ZNF266: variants seen among roughly 807,000 people sequenced by gnomAD.
ZNF266 encodes zinc finger protein 266.
ZNF266 carries 16 observed loss-of-function variants against 16.4 expected under a neutral mutation model. That is an observed-to-expected ratio of 0.98 (90% CI 0.66 to 1.48). The LOEUF is 1.48. Ranked by LOEUF, ZNF266 falls within the 40% of genes most tolerant of loss-of-function variation. ZNF266 has a pLI of 0.00. For missense variants in ZNF266, 738 were observed against 689.1 expected (o/e 1.07, Z -0.79); for synonymous variants, 262 against 237.9 (o/e 1.10, Z -0.93).
intron 5 of ZNF266, among the ~76,000 whole-genome samples, chr19:9,428,765 A>G (rs2071158123): frequency 6.6e-6 from 1 of 152,126 alleles, no homozygotes; most frequent in African/African-American, 2.4e-5. Context: ...CAGATACCCA[A>G]AATATAAAGC....
chr19:9,414,496 A>T lies in ZNF266; in HGVS notation c.630T>A (p.Asp210Glu), dbSNP rs1313366483. ...QCGKAFSLNP[D>E]VVCQRTCTGE... ...CTGTGCACGTTCTCTGGCAAACAACATCTGGGTTCAGGCTGAAGGCTTTTC... is the reference window on the plus strand; with the variant it reads ...CTGTGCACGTTCTCTGGCAAACAACTTCTGGGTTCAGGCTGAAGGCTTTTC... Residue 210 changes from aspartate to glutamate, a missense_variant, in exon 11 of 11, where the codon GAT becomes GAA. Coordinates refer to ENST00000592904, the MANE Select transcript of ZNF266 (RefSeq NM_001370374.1). 48 of 1,614,082 alleles carry T rather than the reference A, an allele frequency of 3.0e-5. No homozygotes were observed. Among genetic ancestry groups the T allele is most frequent in the Non-Finnish European group, 4.0e-5 (47 of 1,180,032 alleles).
intron 5 of ZNF266, among the ~76,000 whole-genome samples, chr19:9,431,788 G>A (rs545126068): frequency 5.3e-5 from 8 of 152,244 alleles, no homozygotes; most frequent in Admixed American, 5.2e-4. Flanking sequence ...GCCACACTGT[G>A]GCCAAATACT....
intron 5 of ZNF266, among the ~76,000 whole-genome samples, chr19:9,428,505 A>G (rs543373992): frequency 1.3e-5 from 2 of 152,288 alleles, no homozygotes; most frequent in East Asian, 3.9e-4. Flanking sequence ...GCTGACCATT[A>G]TAAGTGATGG....
intron 5 of ZNF266, among the ~76,000 whole-genome samples, chr19:9,432,524 C>T (rs2071766372): frequency 6.6e-6 from 1 of 152,094 alleles, no homozygotes; most frequent in African/African-American, 2.4e-5. Flanking sequence ...TCAGCAGGTT[C>T]TTGGAAACTG....
At chr19:9,425,192 A>G (rs970327949) in intron 5 of ZNF266, among the ~76,000 whole-genome samples, 1 of 152,106 alleles carries the variant, frequency 6.6e-6, no homozygotes, top group Non-Finnish European at 1.5e-5. Flanking sequence ...CACAACCCCC[A>G]AAGGAAGTCC....
chr19:9,415,844 G>A (rs1371787345), intron 9 of ZNF266, 102 bp from the exon 10 acceptor site: 1 of 990,186 alleles, frequency 1.0e-6, no homozygotes, highest in East Asian at 3.1e-5. Context: ...TTTTTCTTGA[G>A]ACGGTGTCTC....
chr19:9,416,685 T>TTC (rs1184304858), intron 9 of ZNF266, among the ~76,000 whole-genome samples: 3 of 138,980 alleles, frequency 2.2e-5, no homozygotes, highest in African/African-American at 8.2e-5. Flanking sequence ...TTTTTTTTTT[T>TTC]TTTTGAGACA....
Position 9,414,370 on chromosome 19 carries a change from T to C in ZNF266, c.756A>G (p.Glu252=). ...TAAAGCCTCTCCCACATTCCTTCCATTCATGGAGACTTTCTCCATTGTGAG... is the reference window on the plus strand; with the variant it reads ...TAAAGCCTCTCCCACATTCCTTCCACTCATGGAGACTTTCTCCATTGTGAG... ...LRTHNGESLH[E]WKECGRGFIH... The change falls in exon 11 of 11, where the codon GAA becomes GAG. Residue 252 remains glutamate, a synonymous_variant. Coordinates refer to ENST00000592904, the MANE Select transcript of ZNF266 (RefSeq NM_001370374.1). 1 of 1,614,224 alleles carries C rather than the reference T, an allele frequency of 6.2e-7. No individual in the cohort carries two copies. Among genetic ancestry groups the C allele is most frequent in the Non-Finnish European group, 8.5e-7 (1 of 1,180,038 alleles).
chr19:9,421,125 T>C (rs2069810683), intron 5 of ZNF266, among the ~76,000 whole-genome samples: 1 of 152,202 alleles, frequency 6.6e-6, no homozygotes, highest in African/African-American at 2.4e-5. Context: ...AAATGCTGAT[T>C]GACAGAATGG....
intron 5 of ZNF266, among the ~76,000 whole-genome samples, chr19:9,425,937 A>G (rs549177176): frequency 6.6e-6 from 1 of 152,260 alleles, no homozygotes; most frequent in Admixed American, 6.5e-5. Flanking sequence ...TGGGCCAATC[A>G]AAGGGTTAGC....
intron 5 of ZNF266, among the ~76,000 whole-genome samples, chr19:9,428,481 G>A (rs2071098293): frequency 6.6e-6 from 1 of 152,228 alleles, no homozygotes; most frequent in Non-Finnish European, 1.5e-5. Context: ...TTCATAGACT[G>A]TGCAAAGGCC....
Position 9,413,104 on chromosome 19 carries a change from G to T in ZNF266, c.*171C>A. ...TGGTAAGGCTTGAGAATTCAGCAAAGTCATTTCCACATTCCCTGATGCAGG... is the reference window on the plus strand; with the variant it reads ...TGGTAAGGCTTGAGAATTCAGCAAATTCATTTCCACATTCCCTGATGCAGG... On this transcript the variant is annotated 3_prime_UTR_variant, in exon 11 of 11. Transcript: ENST00000592904. 1 of 772,268 alleles carries T rather than the reference G, an allele frequency of 1.3e-6. No individual in the cohort carries two copies. Among genetic ancestry groups the T allele is most frequent in the Non-Finnish European group, 2.0e-6 (1 of 507,128 alleles). 47.8% of individuals were successfully genotyped at this position (772,268 alleles called of 1,614,324 possible). A position where few individuals can be genotyped will look rare whatever the true frequency, so the allele number is the denominator to read the frequency against.
Position 9,413,058 on chromosome 19 carries a change from C to T in ZNF266, c.*217G>A, listed in dbSNP as rs919063993. 7.1e-6 allele frequency: 4 copies of T among 564,840 alleles called. No individual in the cohort carries two copies. In the African/African-American group the frequency reaches 7.5e-5, roughly 11 times the overall value. 35.0% of individuals were successfully genotyped at this position (564,840 alleles called of 1,614,324 possible). On this transcript the variant is annotated 3_prime_UTR_variant, in exon 11 of 11. Coordinates refer to ENST00000592904, the MANE Select transcript of ZNF266 (RefSeq NM_001370374.1). ...TCTCTACATTCATACAGTTTCTCTC[C>T]AGTGAGATTTCTGATGTGTTTGGTA...
intron 5 of ZNF266, among the ~76,000 whole-genome samples, chr19:9,424,369 C>A (rs1275473229): frequency 1.3e-5 from 2 of 152,148 alleles, no homozygotes; most frequent in Non-Finnish European, 1.5e-5. Context: ...CTTCTATACT[C>A]CATAGAAAAG....
intron 5 of ZNF266, among the ~76,000 whole-genome samples, chr19:9,423,505 G>C (rs1000473944): frequency 6.6e-6 from 1 of 152,144 alleles, no homozygotes; most frequent in African/African-American, 2.4e-5. Context: ...AAATCAACTG[G>C]TTCCATCACA....
chr19:9,428,368 C>T (rs2071082123), intron 5 of ZNF266, among the ~76,000 whole-genome samples: 1 of 152,234 alleles, frequency 6.6e-6, no homozygotes, highest in South Asian at 2.1e-4. Context: ...TTCTCAGTCC[C>T]TTGCCTGATG....
At chr19:9,431,865 C>T (rs769303464) in intron 5 of ZNF266, among the ~76,000 whole-genome samples, 4 of 152,302 alleles carry the variant, frequency 2.6e-5, no homozygotes, top group African/African-American at 7.2e-5. Context: ...TCCTGTTGAG[C>T]GCACGCACGA....
intron 9 of ZNF266, among the ~76,000 whole-genome samples, chr19:9,416,273 GA>G (rs1446213741): frequency 2.6e-5 from 4 of 151,838 alleles, no homozygotes; most frequent in African/African-American, 9.7e-5. Flanking sequence ...ATTATAAACT[GA>G]TGGTGAACAC....
At position 9,414,212 on chromosome 19, in the gene ZNF266, T is replaced by C. The variant is rs778288292; in HGVS notation, c.914A>G (p.Asn305Ser). The C allele has an allele frequency of 1.9e-6, 3 of 1,614,100 alleles. No individual in the cohort carries two copies. The highest frequency in any genetic ancestry group is 2.5e-6 in the Non-Finnish European group (3 of 1,180,040). Residue 305 changes from asparagine (N) to serine (S), a missense_variant, in exon 11 of 11, where the codon AAT (asparagine) becomes AGT (serine). By Grantham distance (46) the Asn-to-Ser change is conservative. Coordinates refer to ENST00000592904, the MANE Select transcript of ZNF266 (RefSeq NM_001370374.1). Reference sequence around the variant, plus strand: ...CCCACACTCCTTACACTCATAGGGATTGTCTCCAGTGTGGGTTCCCATGTG... The same window carrying C: ...CCCACACTCCTTACACTCATAGGGACTGTCTCCAGTGTGGGTTCCCATGTG... ...NIHMGTHTGD[N>S]PYECKECGKA... is the part of the protein sequence containing the mutation.
Sources: allele counts gnomAD v4.1 joint callset (sites outside exome capture counted in the v4.1 genomes callset), GRCh38; gene constraint gnomAD v4.1.1; transcripts MANE v1.5; gene names NCBI Gene and HGNC (gene_info 2026-07-23, HGNC 2026-07-21).